Variants in FGD5 observed in about 807,000 individuals in gnomAD.
FGD5 encodes FYVE, RhoGEF and PH domain containing 5.
In FGD5, 28 loss-of-function variants were observed where a neutral mutation model predicts 133.4. That is an observed-to-expected ratio of 0.21 (90% confidence interval 0.16 to 0.29). The LOEUF (loss-of-function observed/expected upper bound fraction) is 0.29, where lower values mean the gene tolerates loss of function less well. Among genes scored for constraint, FGD5 ranks in the 10% least tolerant of loss-of-function variants. The probability of loss-of-function intolerance (pLI) is 1.00; values close to 1 mark genes in which losing one functional copy is unlikely to be tolerated. For synonymous variants in FGD5, 810 were observed against 776.5 expected, an observed-to-expected ratio of 1.04 and a Z score of -0.72; for missense variants, 1,858 against 1,895.2, an observed-to-expected ratio of 0.98 and a Z score of 0.36.
At chr3:14,881,407 C>T (rs1420895059) in intron 4 of FGD5, among the ~76,000 whole-genome samples, 1 of 152,164 alleles carries the variant, frequency 6.6e-6, no homozygotes, top group East Asian at 1.9e-4. Context: ...ATAACAAGAA[C>T]TGGAGAATGG....
intron 1 of FGD5, among the ~76,000 whole-genome samples, chr3:14,853,390 G>C (rs896140723): frequency 6.6e-6 from 1 of 151,982 alleles, no homozygotes; most frequent in Non-Finnish European, 1.5e-5. Flanking sequence ...CTGCTAATTG[G>C]GATACTCATT....
chr3:14,912,996 A>G (rs575688151), intron 11 of FGD5, among the ~76,000 whole-genome samples: 72 of 152,228 alleles, frequency 4.7e-4, no homozygotes, highest in African/African-American at 1.7e-3. Flanking sequence ...AGATTGCGCC[A>G]TTACACTCCA....
At chr3:14,915,604 T>G (rs1437961353) in intron 11 of FGD5, among the ~76,000 whole-genome samples, 1 of 152,160 alleles carries the variant, frequency 6.6e-6, no homozygotes, top group African/African-American at 2.4e-5. Context: ...TGTTTAGGGC[T>G]CATCCTGGTT....
In FGD5 at chr3:14,821,428, A is replaced by G. The variant is rs1231707394; in HGVS notation, c.2357A>G (p.Asn786Ser). Residue 786 changes from asparagine to serine, a missense_variant, in exon 1 of 20, where the codon AAT becomes AGT. By Grantham distance (46) the Asn-to-Ser change is conservative (BLOSUM62 1). This residue lies in a region of FGD5 where 1,824 missense variants were observed against 1,848.9 expected (regional missense o/e 0.99). Transcript: ENST00000285046. ...CCAGCCATGAACTCGGACTATGAGA[A>G]TATCCAGATTCCACCCCGGAGACCT... ...NIPAMNSDYE[N>S]IQIPPRRPAR... 6.2e-7 allele frequency: 1 copy of G among 1,613,856 alleles called. No individual in the cohort carries two copies. Among genetic ancestry groups the G allele is most frequent in the East Asian group, 2.2e-5 (1 of 44,894 alleles).
At chr3:14,854,318 C>G (rs2037228319) in intron 1 of FGD5, among the ~76,000 whole-genome samples, 1 of 152,056 alleles carries the variant, frequency 6.6e-6, no homozygotes, top group Admixed American at 6.5e-5. Context: ...GACCACATGC[C>G]CAGAATTTCC....
At position 14,932,434 on chromosome 3, in the gene FGD5, A is replaced by G. The variant is rs561342119; in HGVS notation, c.4198-143A>G. The G allele has an allele frequency of 2.8e-5, 25 of 898,986 alleles. No homozygotes were observed. The African/African-American group carries it at 3.1e-4, about 11-fold the overall frequency. The allele number at this position is 898,986 out of a possible 1,614,324, so 55.7% of individuals were successfully genotyped here. On this transcript the variant is annotated intron_variant, in intron 18 of 19. Coordinates refer to ENST00000285046, the MANE Select transcript of FGD5 (RefSeq NM_152536.4). ...CTGGCTCTGGGGGGAAGCGAGGGTC[A>G]ACAGTTTGTGTGTGGTGAGCCCGAA...
chr3:14,907,832 C>T, intron 10 of FGD5, 121 bp downstream of exon 10: 1 of 1,005,086 alleles, frequency 9.9e-7, no homozygotes, highest in Non-Finnish European at 1.5e-6. Flanking sequence ...CCATGGAGGG[C>T]AGGCAGGCGG....
At position 14,922,179 on chromosome 3, in the gene FGD5, G is replaced by C; in HGVS notation, c.3669+162G>C. 1.0e-6 allele frequency: 1 copy of C among 977,436 alleles called. No homozygotes were observed. The highest frequency in any genetic ancestry group is 2.6e-5 in the East Asian group (1 of 38,216). 60.5% of individuals were successfully genotyped at this position (977,436 alleles called of 1,614,324 possible). A position where few individuals can be genotyped will look rare whatever the true frequency, so the allele number is the denominator to read the frequency against. ...CCATGCTCCCACCCTAGTCAGGGGC[G>C]GCCTCCGTGTAACCTAGGAGCCCAG... On this transcript the variant is annotated intron_variant, in intron 14 of 19. Transcript: ENST00000285046. The surrounding 1 kb of genome is among the most constrained non-coding windows in gnomAD (Gnocchi z 4.1).
At chr3:14,839,165 A>G (rs1342116181) in intron 1 of FGD5, among the ~76,000 whole-genome samples, 2 of 152,260 alleles carry the variant, frequency 1.3e-5, no homozygotes, top group African/African-American at 4.8e-5. Flanking sequence ...TGGGAAATGC[A>G]CAGGCTTCTG....
chr3:14,891,601 G>A (rs555845845), intron 4 of FGD5, among the ~76,000 whole-genome samples: 12 of 152,318 alleles, frequency 7.9e-5, no homozygotes, highest in African/African-American at 2.9e-4. Context: ...GCAGGAACCA[G>A]CTCATCCTCC....
Position 14,880,607 on chromosome 3 carries a change from G to C in FGD5, c.2694G>C (p.Gln898His). ...EGQSRALVIA[Q>H]ELLSSEKAYV... ...AGTCCAGAGCCCTTGTCATCGCACA[G>C]GAACTGCTATCTTCAGAGAAAGCGT... The change falls in exon 3 of 20, where the codon CAG (glutamine) becomes CAC (histidine). Residue 898 changes from glutamine (Q) to histidine (H), a missense_variant. By Grantham distance (24) the Gln-to-His change is conservative. This residue lies in a region of FGD5 where 1,824 missense variants were observed against 1,848.9 expected (regional missense o/e 0.99). Transcript: ENST00000285046. 6.2e-7 allele frequency: 1 copy of C among 1,613,966 alleles called. No homozygotes were observed. The highest frequency in any genetic ancestry group is 8.5e-7 in the Non-Finnish European group (1 of 1,179,894).
chr3:14,833,879 T>G (rs2036765006), intron 1 of FGD5, among the ~76,000 whole-genome samples: 1 of 152,100 alleles, frequency 6.6e-6, no homozygotes, highest in Admixed American at 6.5e-5. Context: ...GTGTGTGAAG[T>G]CTGCCTGGGT....
chr3:14,881,853 TC>T (rs1292432467), intron 4 of FGD5, among the ~76,000 whole-genome samples: 1 of 152,210 alleles, frequency 6.6e-6, no homozygotes, highest in Non-Finnish European at 1.5e-5. Context: ...CACTGGGTGT[TC>T]CTGGCTGCCT....
intron 11 of FGD5, among the ~76,000 whole-genome samples, chr3:14,914,179 T>C (rs895058513): frequency 2.0e-5 from 3 of 152,184 alleles, no homozygotes; most frequent in African/African-American, 7.2e-5. Flanking sequence ...AGTGCCATGG[T>C]GAACAAACAC....
chr3:14,864,831 T>C (rs1459575146), intron 2 of FGD5, among the ~76,000 whole-genome samples: 1 of 152,158 alleles, frequency 6.6e-6, no homozygotes, highest in Non-Finnish European at 1.5e-5. Flanking sequence ...GCATCAGTGC[T>C]GATGGGGATA....
At chr3:14,847,238 C>T (rs558266425) in intron 1 of FGD5, among the ~76,000 whole-genome samples, 4 of 152,328 alleles carry the variant, frequency 2.6e-5, no homozygotes, top group African/African-American at 7.2e-5. Flanking sequence ...AACTTTTCTA[C>T]GTGCTTTTCT....
chr3:14,845,237 C>A (rs1372558187), intron 1 of FGD5, among the ~76,000 whole-genome samples: 1 of 152,182 alleles, frequency 6.6e-6, no homozygotes, highest in Non-Finnish European at 1.5e-5. Context: ...GTCTAGACAG[C>A]AGGAAGGGTT....
chr3:14,933,426 T>A lies in FGD5; in HGVS notation c.*259T>A, dbSNP rs1220557670. On this transcript the variant is annotated 3_prime_UTR_variant, in exon 20 of 20. Coordinates refer to ENST00000285046, the MANE Select transcript of FGD5 (RefSeq NM_152536.4). ...CACCCGCCACCCAGTAATAAACTATTTCCTTACCCCGCAGTGAGTTAAAAT... is the reference window on the plus strand; with the variant it reads ...CACCCGCCACCCAGTAATAAACTATATCCTTACCCCGCAGTGAGTTAAAAT... 2.0e-6 allele frequency: 1 copy of A among 496,842 alleles called. No homozygotes were observed. The highest frequency in any genetic ancestry group is 2.6e-5 in the South Asian group (1 of 37,892). 30.8% of individuals were successfully genotyped at this position (496,842 alleles called of 1,614,324 possible).
chr3:14,851,805 T>C (rs1234728120), intron 1 of FGD5, among the ~76,000 whole-genome samples: 1 of 152,102 alleles, frequency 6.6e-6, no homozygotes, highest in Non-Finnish European at 1.5e-5. Context: ...CCTTTTTCTC[T>C]TTGGCTAGGA....
Sources: gnomAD v4.1 joint callset for allele counts (sites outside exome capture counted in the v4.1 genomes callset) on GRCh38, gnomAD v4.1.1 for gene constraint, gnomAD v4.1.1 regional missense constraint, Gnocchi (gnomAD v3.1) non-coding constraint, MANE v1.5 for transcripts, NCBI Gene and HGNC (gene_info 2026-07-23, HGNC 2026-07-21) for gene names.